LHFPL3: variants seen among roughly 807,000 people sequenced by gnomAD.
The protein encoded by LHFPL3 is LHFPL tetraspan subfamily member 3.
A neutral mutation model predicts 19.3 loss-of-function variants in LHFPL3; 5 were observed. The ratio of observed to expected loss-of-function variants is 0.26; its 90% CI spans 0.14 to 0.54. LHFPL3 has a LOEUF of 0.54. Ranked by LOEUF, LHFPL3 falls within the 20% of genes least tolerant of loss-of-function variation. LHFPL3 has a pLI of 0.94. For synonymous variants in LHFPL3, 133 were observed against 126.2 expected (o/e 1.05, Z -0.36); for missense variants, 249 against 307.4 (o/e 0.81, Z 1.42).
At chr7:104,711,032 A>G (rs148787356) in intron 1 of LHFPL3, among the ~76,000 whole-genome samples, 63 of 152,372 alleles carry the variant, frequency 4.1e-4, no homozygotes, top group South Asian at 2.9e-3. Flanking sequence ...GTTTAGAGCT[A>G]TGAAGTTTGA....
intron 1 of LHFPL3, among the ~76,000 whole-genome samples, chr7:104,568,678 A>G (rs1208174777): frequency 1.3e-5 from 2 of 152,156 alleles, no homozygotes; most frequent in African/African-American, 2.4e-5. Context: ...TGTGCTGAGA[A>G]TCATACTGCC....
intron 1 of LHFPL3, among the ~76,000 whole-genome samples, chr7:104,619,040 C>A (rs1791397812): frequency 6.6e-6 from 1 of 152,196 alleles, no homozygotes; most frequent in Non-Finnish European, 1.5e-5. Context: ...GTATCAGGAG[C>A]ATTTCTCTTG....
intron 2 of LHFPL3, among the ~76,000 whole-genome samples, chr7:104,892,635 C>T (rs746639207): frequency 1.3e-5 from 2 of 149,280 alleles, no homozygotes; most frequent in African/African-American, 2.5e-5. Flanking sequence ...CACCTGAACC[C>T]GGGAGGCAGA....
chr7:104,405,755 T>G (rs985028240), intron 1 of LHFPL3, among the ~76,000 whole-genome samples: 6 of 152,152 alleles, frequency 3.9e-5, no homozygotes, highest in South Asian at 2.1e-4. Context: ...CTTCAGAGCT[T>G]TGGGGAAAAA....
intron 1 of LHFPL3, among the ~76,000 whole-genome samples, chr7:104,704,445 G>A (rs73415633): frequency 0.37 from 56,575 of 151,402 alleles, 10,794 homozygotes; most frequent in East Asian, 0.53. Context: ...AGGATTTATT[G>A]TTTATGAGTG....
At chr7:104,720,155 A>G (rs564605751) in intron 1 of LHFPL3, among the ~76,000 whole-genome samples, 30 of 152,314 alleles carry the variant, frequency 2.0e-4, no homozygotes, top group Middle Eastern at 3.4e-3. Context: ...TGCCTTCTAC[A>G]GTAACCAAAA....
chr7:104,614,055 G>A (rs563716449), intron 1 of LHFPL3, among the ~76,000 whole-genome samples: 1 of 152,026 alleles, frequency 6.6e-6, no homozygotes, highest in Non-Finnish European at 1.5e-5. Flanking sequence ...GACTTTCCTG[G>A]GTTATAAAAC....
At chr7:104,432,145 A>G (rs1792015217) in intron 1 of LHFPL3, among the ~76,000 whole-genome samples, 1 of 152,176 alleles carries the variant, frequency 6.6e-6, no homozygotes, top group Admixed American at 6.5e-5. Context: ...CTGGCTGCTC[A>G]TAGCACCAGG....
chr7:104,727,561 AC>A (rs1793614667), intron 1 of LHFPL3, among the ~76,000 whole-genome samples: 2 of 152,214 alleles, frequency 1.3e-5, no homozygotes, highest in South Asian at 4.1e-4. Context: ...GTAAAAAGTA[AC>A]CCGGACCCTA....
chr7:104,506,426 T>C (rs1340615331), intron 1 of LHFPL3, among the ~76,000 whole-genome samples: 6 of 152,316 alleles, frequency 3.9e-5, no homozygotes, highest in South Asian at 2.1e-4. Flanking sequence ...TTGCTGTGCA[T>C]ATCATGTTCT....
intron 1 of LHFPL3, among the ~76,000 whole-genome samples, chr7:104,394,695 A>G (rs987300722): frequency 1.3e-5 from 2 of 151,842 alleles, no homozygotes; most frequent in African/African-American, 2.4e-5. Context: ...TATAATTGCT[A>G]GTCGTCATTT....
intron 1 of LHFPL3, among the ~76,000 whole-genome samples, chr7:104,430,420 A>ATATATATATG (rs1791960736): frequency 1.7e-4 from 2 of 11,810 alleles, no homozygotes; most frequent in Non-Finnish European, 3.7e-4. Flanking sequence ...ATATATATAC[A>ATATATATATG]TATATATATA....
rs1278748062 is a variant in LHFPL3, at chr7:104,668,776, T to A, written c.446-67899T>A. The A allele has an allele frequency of 1.9e-6, 3 of 1,544,094 alleles. No homozygotes were observed. In the South Asian group the frequency reaches 3.3e-5, roughly 17 times the overall value. On this transcript the variant is annotated intron_variant, in intron 1 of 2. Transcript: ENST00000424859. ...AGCCTCGGAGTACTCCTAAGGAAGATGATTCCTCTGCTAGTAACTCCCAGT... is the reference window on the plus strand; with the variant it reads ...AGCCTCGGAGTACTCCTAAGGAAGAAGATTCCTCTGCTAGTAACTCCCAGT...
intron 2 of LHFPL3, among the ~76,000 whole-genome samples, chr7:104,759,375 T>TA (rs1794337606): frequency 2.6e-5 from 4 of 151,898 alleles, no homozygotes; most frequent in African/African-American, 9.7e-5. Context: ...AAATTTTTTT[T>TA]TAAAAAAAGG....
chr7:104,416,287 T>C (rs1238842766), intron 1 of LHFPL3, among the ~76,000 whole-genome samples: 1 of 152,082 alleles, frequency 6.6e-6, no homozygotes, highest in African/African-American at 2.4e-5. Context: ...CCCTACAAGG[T>C]TTCAGGGAGA....
At chr7:104,462,125 G>A (rs1032381781) in intron 1 of LHFPL3, among the ~76,000 whole-genome samples, 6 of 152,192 alleles carry the variant, frequency 3.9e-5, no homozygotes, top group Admixed American at 6.5e-5. Context: ...TTGTTTATCA[G>A]CTGAAAGAGC....
At chr7:104,474,845 T>C (rs908726622) in intron 1 of LHFPL3, among the ~76,000 whole-genome samples, 7 of 152,130 alleles carry the variant, frequency 4.6e-5, no homozygotes, top group Non-Finnish European at 8.8e-5. Context: ...GGTGGGTTCT[T>C]CTTAGTGAAG....
intron 1 of LHFPL3, among the ~76,000 whole-genome samples, chr7:104,474,687 C>CAAAAAAAAAAA (rs928431129): frequency 7.3e-5 from 3 of 41,030 alleles, no homozygotes; most frequent in Non-Finnish European, 1.6e-4. Context: ...ACAACAACAA[C>CAAAAAAAAAAA]AAAAAAAAAA....
chr7:104,557,665 T>C (rs1026470817), intron 1 of LHFPL3, among the ~76,000 whole-genome samples: 9 of 151,776 alleles, frequency 5.9e-5, no homozygotes, highest in Admixed American at 2.6e-4. Flanking sequence ...TTATTTTTTA[T>C]TTTTATTTTT....
Sources: allele counts gnomAD v4.1 joint callset (sites outside exome capture counted in the v4.1 genomes callset), GRCh38; gene constraint gnomAD v4.1.1; transcripts MANE v1.5; gene names NCBI Gene and HGNC (gene_info 2026-07-23, HGNC 2026-07-21).